TPCN2: variants seen among roughly 807,000 people sequenced by gnomAD.
TPCN2 encodes two pore channel protein 2.
In TPCN2, 92 loss-of-function variants were observed where a neutral mutation model predicts 111.4. The observed-to-expected ratio is 0.83, with a 90% confidence interval of 0.70 to 0.98. The LOEUF (loss-of-function observed/expected upper bound fraction) is 0.98. Among genes scored for constraint, TPCN2 ranks in the 50% least tolerant of loss-of-function variants. The pLI is 0.00. For synonymous variants in TPCN2, 405 were observed against 414.5 expected (o/e 0.98, Z 0.28); for missense variants, 995 against 980.1 (o/e 1.02, Z -0.20).
At chr11:69,087,029 G>T (rs1856312534) in intron 23 of TPCN2, 83 bp from the exon 24 acceptor site, 3 of 1,241,400 alleles carry the variant, frequency 2.4e-6, no homozygotes, top group Non-Finnish European at 2.3e-6. Flanking sequence ...GTGCCCTGTG[G>T]CTGACCCTGG....
intron 18 of TPCN2, among the ~76,000 whole-genome samples, chr11:69,083,432 G>A (rs1053097449): frequency 6.6e-6 from 1 of 152,204 alleles, no homozygotes; most frequent in African/African-American, 2.4e-5. Context: ...GAGGAGGAGC[G>A]GCTCTTTGGA....
chr11:69,052,000 C>T (rs1364654424), intron 1 of TPCN2, among the ~76,000 whole-genome samples: 2 of 152,132 alleles, frequency 1.3e-5, no homozygotes, highest in Non-Finnish European at 2.9e-5. Context: ...GTGTTTGGAA[C>T]GAGATCCTTG....
At chr11:69,079,659 G>C in intron 16 of TPCN2, 175 bp from the exon 17 acceptor site, 1 of 589,696 alleles carries the variant, frequency 1.7e-6, no homozygotes, top group South Asian at 2.3e-5. Flanking sequence ...CTTTCCAGCT[G>C]AAAGAAGTCC....
chr11:69,081,527 C>A, intron 18 of TPCN2, 28 bp downstream of exon 18: 1 of 1,499,600 alleles, frequency 6.7e-7, no homozygotes, highest in Non-Finnish European at 9.0e-7. Context: ...CCCCACTCGC[C>A]CCACCCTCCT....
In TPCN2 at chr11:69,054,101, G is replaced by C. The variant is rs370877361; in HGVS notation, c.174+4G>C. 4 of 1,612,454 alleles carry C rather than the reference G, an allele frequency of 2.5e-6. No individual in the cohort carries two copies. The highest frequency in any genetic ancestry group is 3.4e-6 in the Non-Finnish European group (4 of 1,179,662). ...CTTCATCGAAGATGCTATTCAGGTC[G>C]GTGGCACCTGCTCCCTGTGGCCGGG... On this transcript the variant is annotated splice_donor_region_variant and intron_variant, in intron 2 of 24. Transcript: ENST00000294309.
chr11:69,083,903 G>C (rs1856153545), intron 18 of TPCN2, 42 bp from the exon 19 acceptor site: 3 of 1,591,360 alleles, frequency 1.9e-6, no homozygotes, highest in Non-Finnish European at 2.6e-6. Flanking sequence ...CCCCTCAGTG[G>C]GGCCAGGAGG....
rs2134554872 is a variant in TPCN2 at position 69,063,985 on chromosome 11, A to G, written c.726+18A>G. 1.9e-6 allele frequency: 3 copies of G among 1,613,136 alleles called. No homozygotes were observed. In the South Asian group the frequency reaches 3.3e-5, roughly 18 times the overall value. On this transcript the variant is annotated intron_variant, in intron 7 of 24. Transcript: ENST00000294309. ...GTGGGAAGGTAGGGCACCCGTGGTC[A>G]GGGTCTGGGAATGGGGCTGCCCTGT...
rs1861086307 is a variant in TPCN2 at position 69,048,950 on chromosome 11, T to G, written c.-48T>G. The G allele has an allele frequency of 8.4e-7, 1 of 1,191,986 alleles. No individual in the cohort carries two copies. Among genetic ancestry groups the G allele is most frequent in the South Asian group, 4.2e-5 (1 of 23,582 alleles). 73.8% of individuals were successfully genotyped at this position (1,191,986 alleles called of 1,614,324 possible). ...CGCCTGCGCAGTGAAGCTGGGCGCC[T>G]TCGGGGCTTGAGCTTCTGAGGGTCG... On this transcript the variant is annotated 5_prime_UTR_variant, in exon 1 of 25. Transcript: ENST00000294309.
chr11:69,067,320 T>C (rs1277538885), intron 7 of TPCN2, among the ~76,000 whole-genome samples, 183 bp from the exon 8 acceptor site: 1 of 152,224 alleles, frequency 6.6e-6, no homozygotes, highest in Non-Finnish European at 1.5e-5. Flanking sequence ...GGGTGCCCAC[T>C]CTTGCGCCCG....
chr11:69,085,490 T>A (rs1286778920), intron 20 of TPCN2, among the ~76,000 whole-genome samples, 181 bp from the exon 21 acceptor site: 2 of 150,750 alleles, frequency 1.3e-5, no homozygotes, highest in Non-Finnish European at 3.0e-5. Flanking sequence ...TTGCCTGGAG[T>A]CTGCTAAACA....
intron 8 of TPCN2, among the ~76,000 whole-genome samples, chr11:69,068,087 A>T (rs190694473): frequency 1.6e-4 from 25 of 152,346 alleles, no homozygotes; most frequent in Non-Finnish European, 3.2e-4. Context: ...CTTACTGGCC[A>T]CGACGCTCAC....
At chr11:69,059,291 C>G (rs980833520) in intron 5 of TPCN2, among the ~76,000 whole-genome samples, 1 of 151,800 alleles carries the variant, frequency 6.6e-6, no homozygotes, top group Non-Finnish European at 1.5e-5. Flanking sequence ...TGCCCGCTCA[C>G]CCTGCTGGCA....
chr11:69,088,430 T>C lies in TPCN2; in HGVS notation c.*477T>C. The C allele has an allele frequency of 6.2e-6, 1 of 160,822 alleles. No homozygotes were observed. The highest frequency in any genetic ancestry group is 1.7e-4 in the South Asian group (1 of 5,752). The allele number at this position is 160,822 out of a possible 1,614,324, so 10.0% of individuals were successfully genotyped here. Reference sequence around the variant, plus strand: ...CTGTGTTTTATTATTTCATGGCTTGTATGAGTGTGACTGGGTGTGTTTCTT... The same window carrying C: ...CTGTGTTTTATTATTTCATGGCTTGCATGAGTGTGACTGGGTGTGTTTCTT... On this transcript the variant is annotated 3_prime_UTR_variant, in exon 25 of 25. Transcript: ENST00000294309.
At chr11:69,054,529 T>C (rs954341141) in intron 2 of TPCN2, 192 bp from the exon 3 acceptor site, 1 of 603,484 alleles carries the variant, frequency 1.7e-6, no homozygotes, top group African/African-American at 1.8e-5. Context: ...TGAGGTCTTG[T>C]GTGTTGGGCA....
At chr11:69,079,142 GCT>G in intron 16 of TPCN2, 122 bp downstream of exon 16, 1 of 1,315,940 alleles carries the variant, frequency 7.6e-7, no homozygotes, top group South Asian at 1.4e-5. Flanking sequence ...GTGGGCTTCT[GCT>G]CTCAGTGGTG....
At chr11:69,065,031 G>A (rs1855208465) in intron 7 of TPCN2, among the ~76,000 whole-genome samples, 1 of 131,864 alleles carries the variant, frequency 7.6e-6, no homozygotes, top group Admixed American at 7.6e-5. Context: ...GTATGTCTGT[G>A]TGTGCGTGTG....
chr11:69,059,792 A>G (rs1008551061), intron 5 of TPCN2, among the ~76,000 whole-genome samples: 2 of 152,144 alleles, frequency 1.3e-5, no homozygotes, highest in African/African-American at 4.8e-5. Context: ...TCCAGGGAGG[A>G]CAGATGAGCG....
At chr11:69,070,587 A>G in intron 9 of TPCN2, 92 bp downstream of exon 9, 1 of 988,624 alleles carries the variant, frequency 1.0e-6, no homozygotes, top group Non-Finnish European at 1.5e-6. Flanking sequence ...CTGAAACTTC[A>G]CATCCGTGTT....
intron 5 of TPCN2, among the ~76,000 whole-genome samples, chr11:69,059,164 C>T (rs553479058): frequency 1.3e-5 from 2 of 152,262 alleles, no homozygotes; most frequent in African/African-American, 4.8e-5. Flanking sequence ...CTTGGTGGTC[C>T]TGCCTTTGGA....
Sources: allele counts gnomAD v4.1 joint callset (sites outside exome capture counted in the v4.1 genomes callset), GRCh38; gene constraint gnomAD v4.1.1; transcripts MANE v1.5; gene names NCBI Gene and HGNC (gene_info 2026-07-23, HGNC 2026-07-21).